The following CABYR variants were observed in gnomAD, a reference collection of about 807,000 sequenced individuals.
The protein encoded by CABYR is calcium-binding tyrosine phosphorylation-regulated protein.
A neutral mutation model predicts 36.1 loss-of-function variants in CABYR; 31 were observed. The observed-to-expected ratio is 0.86, with a 90% CI of 0.64 to 1.16. The LOEUF (loss-of-function observed/expected upper bound fraction) is 1.16, where lower values mean the gene tolerates loss of function less well. Ranked by LOEUF, CABYR falls within the 50% of genes most tolerant of loss-of-function variation. CABYR has a pLI of 0.00. For missense variants in CABYR, 429 were observed against 455.8 expected, an observed-to-expected ratio of 0.94 and a Z score of 0.53; for synonymous variants, 146 against 160.7, an observed-to-expected ratio of 0.91 and a Z score of 0.69.
intron 5 of CABYR, 66 bp downstream of exon 5, chr18:24,160,135 C>CT (rs1414291821): frequency 9.2e-7 from 1 of 1,092,428 alleles, no homozygotes; most frequent in Non-Finnish European, 1.3e-6. Context: ...ATTTTGATTT[C>CT]TTGACCTGGA....
At chr18:24,158,077 A>T (rs974597340) in intron 4 of CABYR, among the ~76,000 whole-genome samples, 2 of 152,172 alleles carry the variant, frequency 1.3e-5, no homozygotes, top group African/African-American at 4.8e-5. Flanking sequence ...TTGTGGCTTA[A>T]GCAGCATATC....
At chr18:24,156,605 G>T (rs1302694962) in intron 4 of CABYR, 2 of 1,614,120 alleles carry the variant, frequency 1.2e-6, no homozygotes, top group Non-Finnish European at 1.7e-6. Flanking sequence ...TTGCACAGTT[G>T]GAGGAGAATG....
intron 3 of CABYR, among the ~76,000 whole-genome samples, chr18:24,144,274 T>C (rs1265517628): frequency 1.3e-5 from 2 of 152,092 alleles, no homozygotes. Context: ...GGAATCAGGA[T>C]GGGAAAAGCT....
At position 24,159,559 on chromosome 18, in the gene CABYR, AC is replaced by A; in HGVS notation, c.632del (p.Pro211HisfsTer38). 6.2e-7 allele frequency: 1 copy of A among 1,614,054 alleles called. No individual in the cohort carries two copies. The highest frequency in any genetic ancestry group is 8.5e-7 in the Non-Finnish European group (1 of 1,180,000). Reference protein sequence around the residue: ...YCLTDKNQQGHPSPPPAPGPF... With the variant: ...YCLTDKNQQGXPSPPPAPGPF... ...CTAACTGATAAGAATCAACAAGGTC[AC>A]CCATCACCGCCACCTGCACCTGGGC... On this transcript the variant is annotated frameshift_variant, in exon 5 of 6. Transcript: ENST00000399496. LOFTEE classifies it high-confidence loss of function.
intron 3 of CABYR, among the ~76,000 whole-genome samples, chr18:24,146,981 A>G (rs550903394): frequency 6.6e-6 from 1 of 152,238 alleles, no homozygotes; most frequent in Non-Finnish European, 1.5e-5. Context: ...TGCCTACTCT[A>G]CAAGAAATGC....
chr18:24,140,915 A>G (rs566856815), intron 1 of CABYR, among the ~76,000 whole-genome samples: 1 of 152,272 alleles, frequency 6.6e-6, no homozygotes, highest in East Asian at 1.9e-4. Context: ...CATTGTATGT[A>G]TGTACCACAT....
At chr18:24,144,275 G>A (rs1480657519) in intron 3 of CABYR, among the ~76,000 whole-genome samples, 1 of 152,124 alleles carries the variant, frequency 6.6e-6, no homozygotes, top group Non-Finnish European at 1.5e-5. Context: ...GAATCAGGAT[G>A]GGAAAAGCTC....
chr18:24,154,240 G>A (rs1429750620), intron 3 of CABYR, among the ~76,000 whole-genome samples: 1 of 151,784 alleles, frequency 6.6e-6, no homozygotes, highest in African/African-American at 2.4e-5. Flanking sequence ...GCTATATTGA[G>A]GTCTCGTCTT....
intron 4 of CABYR, among the ~76,000 whole-genome samples, chr18:24,157,640 C>T (rs1429473787): frequency 6.7e-6 from 1 of 149,854 alleles, no homozygotes; most frequent in Admixed American, 6.6e-5. Context: ...GGCACTTGAA[C>T]AGCAATAGAT....
chr18:24,143,727 G>C (rs1203301792), intron 3 of CABYR, among the ~76,000 whole-genome samples: 2 of 151,912 alleles, frequency 1.3e-5, no homozygotes, highest in Non-Finnish European at 2.9e-5. Flanking sequence ...ATAGTGATGG[G>C]GTCTTGCCTC....
At chr18:24,156,538 C>T (rs1378103036) in intron 4 of CABYR, 1 of 1,614,046 alleles carries the variant, frequency 6.2e-7, no homozygotes, top group African/African-American at 1.3e-5. Context: ...AGTCCCAAAT[C>T]TGTAGTAGAA....
intron 3 of CABYR, among the ~76,000 whole-genome samples, chr18:24,147,037 A>G (rs138746056): frequency 1.3e-5 from 2 of 152,230 alleles, no homozygotes; most frequent in East Asian, 3.9e-4. Context: ...CATGCCTGCA[A>G]TCCAAGTGCT....
At position 24,155,921 on chromosome 18, in the gene CABYR, T is replaced by G. The variant is rs1272605490; in HGVS notation, c.420T>G (p.Leu140=). ...AGCAAACGGAAGCAGTTGGTGGTCT[T>G]TCTTCCAAACCAGCCACCCCTAAGA... ...GTEQTEAVGG[L]SSKPATPKTT... The change falls in exon 4 of 6, where the codon CTT becomes CTG. Residue 140 remains leucine (L), a synonymous_variant. Coordinates refer to ENST00000399496, the MANE Select transcript of CABYR (RefSeq NM_153769.3). The G allele has an allele frequency of 6.2e-7, 1 of 1,614,156 alleles. No homozygotes were observed. Among genetic ancestry groups the G allele is most frequent in the South Asian group, 1.1e-5 (1 of 91,078 alleles).
intron 4 of CABYR, among the ~76,000 whole-genome samples, chr18:24,159,186 G>A (rs537661730): frequency 2.0e-5 from 3 of 152,278 alleles, no homozygotes; most frequent in African/African-American, 4.8e-5. Context: ...TAGAAGCCAC[G>A]TCTAAAGTTG....
intron 3 of CABYR, among the ~76,000 whole-genome samples, chr18:24,144,566 G>A (rs1265710195): frequency 2.0e-5 from 3 of 152,124 alleles, no homozygotes; most frequent in Admixed American, 2.0e-4. Flanking sequence ...CGGAGTCCAA[G>A]ACCAGCCTAG....
chr18:24,143,032 A>C (rs961854208), intron 1 of CABYR, 59 bp from the exon 2 acceptor site: 1 of 1,293,064 alleles, frequency 7.7e-7, no homozygotes, highest in African/African-American at 1.5e-5. Flanking sequence ...CAAAAAAAAA[A>C]AAAAAAAAAA....
At chr18:24,154,298 T>C (rs1338127314) in intron 3 of CABYR, among the ~76,000 whole-genome samples, 2 of 152,092 alleles carry the variant, frequency 1.3e-5, no homozygotes, top group African/African-American at 4.8e-5. Context: ...TTACATGTAG[T>C]ATGTAGCACA....
intron 1 of CABYR, chr18:24,140,292 GATA>G (rs2085279214): frequency 6.6e-6 from 1 of 152,148 alleles, no homozygotes; most frequent in Non-Finnish European, 1.5e-5. Context: ...TTAGACATAT[GATA>G]TATATGAGTA....
rs771780535 is a variant in CABYR at position 24,161,529 on chromosome 18, G to A, written c.*13G>A. The stretch of plus-strand genomic sequence containing the variant: ...TATTCCTAACAGATCCAGAAATGAC[G>A]CTGTCTGGGTCAACATTTCAGGGAG... On this transcript the variant is annotated 3_prime_UTR_variant, in exon 6 of 6. Coordinates refer to ENST00000399496, the MANE Select transcript of CABYR (RefSeq NM_153769.3). The A allele has an allele frequency of 9.0e-6, 7 of 780,272 alleles. No homozygotes were observed. Among genetic ancestry groups the A allele is most frequent in the African/African-American group, 5.1e-5 (3 of 59,102 alleles). The allele number at this position is 780,272 out of a possible 1,614,324, so 48.3% of individuals were successfully genotyped here.
Sources: gnomAD v4.1 joint callset for allele counts (sites outside exome capture counted in the v4.1 genomes callset) on GRCh38, gnomAD v4.1.1 for gene constraint, MANE v1.5 for transcripts, NCBI Gene and HGNC (gene_info 2026-07-23, HGNC 2026-07-21) for gene names.